KIAA1328: variants seen among roughly 807,000 people sequenced by gnomAD.
KIAA1328 encodes the protein protein hinderin.
KIAA1328 carries 52 observed loss-of-function variants against 68.1 expected under a neutral mutation model. That is an observed-to-expected ratio of 0.76 (90% confidence interval 0.61 to 0.96). KIAA1328 has a LOEUF of 0.96. KIAA1328 is among the 40% of genes least tolerant of loss of function. The pLI is 0.00. For synonymous variants in KIAA1328, 232 were observed against 239.4 expected, an observed-to-expected ratio of 0.97 and a Z score of 0.28; for missense variants, 641 against 677.6, an observed-to-expected ratio of 0.95 and a Z score of 0.60.
chr18:37,063,345 G>A (rs1308037270), intron 6 of KIAA1328, among the ~76,000 whole-genome samples: 2 of 152,092 alleles, frequency 1.3e-5, no homozygotes, highest in Non-Finnish European at 2.9e-5. Context: ...GGGGGATGAG[G>A]GAGCAGGATA....
At chr18:37,106,450 G>A (rs1009947119) in intron 7 of KIAA1328, among the ~76,000 whole-genome samples, 16 of 146,936 alleles carry the variant, frequency 1.1e-4, no homozygotes, top group Non-Finnish European at 1.6e-4. Flanking sequence ...AGACAGTCTC[G>A]CTCTGTCACC....
chr18:36,956,141 G>A lies in KIAA1328; in HGVS notation c.449-3167G>A, dbSNP rs111833291. On this transcript the variant is annotated intron_variant, in intron 5 of 9. Coordinates refer to ENST00000280020, the MANE Select transcript of KIAA1328 (RefSeq NM_020776.3). ...GTTAAGATTTTAAGCTTTACTACAT[G>A]ATTATTTTCCACAACCATTTCAGCT... is the stretch of plus-strand genomic sequence containing the variant. 4.6e-3 allele frequency among the ~76,000 whole-genome samples: 697 copies of A among 152,228 alleles called. 6 individuals carry two copies. The highest frequency in any genetic ancestry group is 0.016 in the African/African-American group (661 of 41,516).
chr18:37,168,882 C>T (rs188529601), intron 8 of KIAA1328, among the ~76,000 whole-genome samples: 168 of 150,564 alleles, frequency 1.1e-3, no homozygotes, highest in African/African-American at 3.8e-3. Flanking sequence ...ATGGCTCAGC[C>T]GTTTAAAAAA....
intron 6 of KIAA1328, among the ~76,000 whole-genome samples, chr18:36,980,149 C>A (rs918739583): frequency 1.3e-5 from 2 of 152,102 alleles, no homozygotes; most frequent in East Asian, 3.9e-4. Context: ...TTGGATTTCA[C>A]CATCTCCTGA....
intron 9 of KIAA1328, among the ~76,000 whole-genome samples, chr18:37,184,965 C>T (rs2586782): frequency 6.6e-6 from 1 of 151,632 alleles, no homozygotes; most frequent in South Asian, 2.1e-4. Flanking sequence ...AGATCAAGAC[C>T]ATCCTGGCTA....
At chr18:37,073,340 A>C (rs781401373) in intron 7 of KIAA1328, among the ~76,000 whole-genome samples, 4 of 152,216 alleles carry the variant, frequency 2.6e-5, no homozygotes, top group Non-Finnish European at 5.9e-5. Flanking sequence ...CCCATCAAAA[A>C]GTGGGCAAAG....
At chr18:37,072,100 T>C (rs543939803) in intron 7 of KIAA1328, among the ~76,000 whole-genome samples, 1 of 152,198 alleles carries the variant, frequency 6.6e-6, no homozygotes, top group African/African-American at 2.4e-5. Context: ...TCTGTGTTTC[T>C]ATTTTTTTCT....
intron 7 of KIAA1328, among the ~76,000 whole-genome samples, chr18:37,144,490 A>T (rs1331915502): frequency 6.6e-6 from 1 of 151,670 alleles, no homozygotes. Context: ...ACTGATTTTA[A>T]ACTCTTTTCT....
intron 4 of KIAA1328, among the ~76,000 whole-genome samples, chr18:36,881,871 T>C (rs1378053006): frequency 1.3e-5 from 2 of 152,224 alleles, no homozygotes; most frequent in Admixed American, 1.3e-4. Context: ...AGATGTCAGG[T>C]TGTTGTACTT....
chr18:36,919,385 C>G (rs887270862), intron 5 of KIAA1328, among the ~76,000 whole-genome samples: 1 of 151,996 alleles, frequency 6.6e-6, no homozygotes, highest in Non-Finnish European at 1.5e-5. Flanking sequence ...GGGGGTTGGT[C>G]TTGCTTTTTT....
At chr18:37,099,708 C>CT (rs2057537432) in intron 7 of KIAA1328, among the ~76,000 whole-genome samples, 1 of 152,116 alleles carries the variant, frequency 6.6e-6, no homozygotes, top group African/African-American at 2.4e-5. Context: ...GTGTGGGAGT[C>CT]TAAGTCTCTT....
chr18:36,905,419 G>A (rs890303028), intron 5 of KIAA1328, among the ~76,000 whole-genome samples: 4 of 151,894 alleles, frequency 2.6e-5, no homozygotes, highest in Admixed American at 6.6e-5. Flanking sequence ...GCCTTGTAAG[G>A]ATATTTAAAT....
At chr18:36,856,724 C>G (rs79647159) in intron 4 of KIAA1328, among the ~76,000 whole-genome samples, 1 of 152,128 alleles carries the variant, frequency 6.6e-6, no homozygotes, top group Non-Finnish European at 1.5e-5. Flanking sequence ...GTCAAAAATT[C>G]TTATTTCTTT....
chr18:37,122,160 A>T (rs1271362162), intron 7 of KIAA1328, among the ~76,000 whole-genome samples: 1 of 152,184 alleles, frequency 6.6e-6, no homozygotes, highest in Non-Finnish European at 1.5e-5. Flanking sequence ...AGTAAGAAAG[A>T]CTGGTAGAAA....
intron 7 of KIAA1328, among the ~76,000 whole-genome samples, chr18:37,157,570 T>C (rs1568477150): frequency 6.6e-6 from 1 of 151,992 alleles, no homozygotes; most frequent in African/African-American, 2.4e-5. Context: ...CCCAGCACTT[T>C]GGGAGGCCGA....
intron 9 of KIAA1328, among the ~76,000 whole-genome samples, chr18:37,183,058 T>C (rs1007107681): frequency 1.3e-5 from 2 of 152,206 alleles, no homozygotes; most frequent in African/African-American, 4.8e-5. Flanking sequence ...TATGCAATGT[T>C]GGCAAATTTT....
At chr18:36,911,125 T>C (rs1315337439) in intron 5 of KIAA1328, among the ~76,000 whole-genome samples, 1 of 152,172 alleles carries the variant, frequency 6.6e-6, no homozygotes, top group Non-Finnish European at 1.5e-5. Flanking sequence ...AAATTAGCCT[T>C]ATGCTGGAGG....
rs58722044 is a variant in KIAA1328 at position 37,071,057 on chromosome 18, C to CTTTTTTTTTTTTTTTTTTTTT, written c.1232+3519_1232+3539dup. On this transcript the variant is annotated intron_variant, in intron 7 of 9. Transcript: ENST00000280020. ...TTTTTTGTTTTTGATTTTTTTCTTCCTTTTTTTTTTTTTTTTTTTTTTTTT... is the reference window on the plus strand; with the variant it reads ...TTTTTTGTTTTTGATTTTTTTCTTCCTTTTTTTTTTTTTTTTTTTTTTTTTTTTTTTTTTTTTTTTTTTTTT... Among the ~76,000 whole-genome samples, 4 of 86,846 alleles carry CTTTTTTTTTTTTTTTTTTTTT rather than the reference C, an allele frequency of 4.6e-5. 1 individual carries two copies. Among genetic ancestry groups the CTTTTTTTTTTTTTTTTTTTTT allele is most frequent in the Non-Finnish European group, 6.8e-5 (3 of 43,812 alleles). The allele number at this position is 86,846 out of a possible 152,430, so 57.0% of individuals were successfully genotyped here. A position where few individuals can be genotyped will look rare whatever the true frequency, so the allele number is the denominator to read the frequency against.
intron 4 of KIAA1328, among the ~76,000 whole-genome samples, chr18:36,866,059 A>T (rs750596913): frequency 8.5e-5 from 13 of 152,068 alleles, no homozygotes; most frequent in Non-Finnish European, 8.8e-5. Flanking sequence ...TTGAGCTCTA[A>T]TACCCTGTTT....
Sources: gnomAD v4.1 joint callset for allele counts (sites outside exome capture counted in the v4.1 genomes callset) on GRCh38, gnomAD v4.1.1 for gene constraint, MANE v1.5 for transcripts, NCBI Gene and HGNC (gene_info 2026-07-23, HGNC 2026-07-21) for gene names.